Variants in NTN1 observed in about 807,000 individuals in gnomAD.
The protein encoded by NTN1 is netrin 1, also known as netrin-1.
A neutral mutation model predicts 54.2 loss-of-function variants in NTN1; 11 were observed. The ratio of observed to expected loss-of-function variants is 0.20; its 90% CI spans 0.13 to 0.34. The LOEUF (loss-of-function observed/expected upper bound fraction) is 0.34, where lower values mean the gene tolerates loss of function less well. Among genes scored for constraint, NTN1 ranks in the 10% least tolerant of loss-of-function variants. The pLI is 1.00. For missense variants in NTN1, 740 were observed against 893.1 expected (o/e 0.83, Z 2.18); for synonymous variants, 371 against 382.0 (o/e 0.97, Z 0.33).
rs768548729 is a variant in NTN1 at position 9,135,700 on chromosome 17, T to C, written c.1019-27113T>C. 3.9e-5 allele frequency among the ~76,000 whole-genome samples: 6 copies of C among 152,172 alleles called. No individual in the cohort carries two copies. Among genetic ancestry groups the C allele is most frequent in the Non-Finnish European group, 8.8e-5 (6 of 68,032 alleles). ...TCTAAGCTGTTGTCTCATCTCCAGG[T>C]TGAGGTTCTAGGGCTCCCTGGAGTA... On this transcript the variant is annotated intron_variant, in intron 2 of 6. Coordinates refer to ENST00000173229, the MANE Select transcript of NTN1 (RefSeq NM_004822.3). This position sits in a 1 kb window ranked among gnomAD's most constrained non-coding sequence, Gnocchi z 4.4.
intron 2 of NTN1, among the ~76,000 whole-genome samples, chr17:9,092,719 A>T (rs938029523): frequency 6.6e-6 from 1 of 151,228 alleles, no homozygotes; most frequent in African/African-American, 2.4e-5. Flanking sequence ...TCAGCCACCC[A>T]TAGCTGGGAT....
intron 6 of NTN1, among the ~76,000 whole-genome samples, chr17:9,224,296 G>A (rs754100108): frequency 6.6e-6 from 1 of 152,090 alleles, no homozygotes; most frequent in Non-Finnish European, 1.5e-5. Context: ...CCCTCCTTTC[G>A]TAGACTCGAA....
At chr17:9,064,521 T>C (rs2092008737) in intron 2 of NTN1, among the ~76,000 whole-genome samples, 1 of 152,202 alleles carries the variant, frequency 6.6e-6, no homozygotes, top group South Asian at 2.1e-4. Flanking sequence ...TCCCTCTTTT[T>C]CTTTCACTCC....
chr17:9,191,854 CT>C (rs1363066015), intron 5 of NTN1, among the ~76,000 whole-genome samples: 1 of 114,266 alleles, frequency 8.8e-6, no homozygotes, highest in Non-Finnish European at 1.7e-5. Flanking sequence ...ATAATGAGAC[CT>C]TATCGCTACT....
chr17:9,172,514 A>G (rs2092389887), intron 3 of NTN1, among the ~76,000 whole-genome samples: 1 of 152,078 alleles, frequency 6.6e-6, no homozygotes, highest in Non-Finnish European at 1.5e-5. Context: ...GACAAGCCAC[A>G]GATGAAGAGA....
upstream of NTN1, among the ~76,000 whole-genome samples, chr17:9,020,074 G>A (rs2091840768): frequency 6.6e-6 from 1 of 152,214 alleles, no homozygotes; most frequent in Non-Finnish European, 1.5e-5. Flanking sequence ...CGTCTCTCTG[G>A]GAGGCTGGGG....
intron 5 of NTN1, among the ~76,000 whole-genome samples, chr17:9,200,105 G>A (rs1290190203): frequency 6.6e-6 from 1 of 152,252 alleles, no homozygotes. Context: ...AGGACTACAA[G>A]CATCCTTCTT....
intron 2 of NTN1, among the ~76,000 whole-genome samples, chr17:9,036,961 G>C (rs1341747146): frequency 6.6e-6 from 1 of 152,154 alleles, no homozygotes; most frequent in Non-Finnish European, 1.5e-5. Context: ...ACTTGCAGGG[G>C]TGGGGACATG....
chr17:9,150,659 A>G (rs1159709009), intron 2 of NTN1, among the ~76,000 whole-genome samples: 1 of 152,154 alleles, frequency 6.6e-6, no homozygotes, highest in Non-Finnish European at 1.5e-5. Flanking sequence ...TGCAGCAGGA[A>G]CCCTGAGTGA....
At chr17:9,081,314 C>T (rs1264849623) in intron 2 of NTN1, among the ~76,000 whole-genome samples, 2 of 152,146 alleles carry the variant, frequency 1.3e-5, no homozygotes, top group East Asian at 1.9e-4. Context: ...TGTACAGACT[C>T]ATCTTAATGA....
At chr17:9,170,551 C>T (rs947569964) in intron 3 of NTN1, among the ~76,000 whole-genome samples, 16 of 152,126 alleles carry the variant, frequency 1.1e-4, no homozygotes, top group African/African-American at 2.7e-4. Context: ...CTGTTGCACA[C>T]TCTCAATAAA....
chr17:9,132,878 A>G (rs543399785), intron 2 of NTN1, among the ~76,000 whole-genome samples: 1 of 152,036 alleles, frequency 6.6e-6, no homozygotes, highest in African/African-American at 2.4e-5. Flanking sequence ...CTGTTTCAAA[A>G]AAGAAAAAGA....
intron 2 of NTN1, among the ~76,000 whole-genome samples, chr17:9,036,821 C>T (rs1324309104): frequency 3.3e-5 from 5 of 152,188 alleles, no homozygotes; most frequent in African/African-American, 1.2e-4. Flanking sequence ...TTGAATGATA[C>T]ATTTTCCAAC....
rs187248853 is a variant in NTN1 at position 9,092,798 on chromosome 17, G to A, written c.1018+69407G>A. Reference sequence around the variant, plus strand: ...TTTTGAGACAGAGTCTCGCTCTGTCGCCCAGGCTGGAGTGCAATGGTGCAA... The same window carrying A: ...TTTTGAGACAGAGTCTCGCTCTGTCACCCAGGCTGGAGTGCAATGGTGCAA... On this transcript the variant is annotated intron_variant, in intron 2 of 6. Transcript: ENST00000173229. Among the ~76,000 whole-genome samples the A allele has an allele frequency of 6.6e-3, 995 of 151,410 alleles. 9 individuals are homozygous for A. Among genetic ancestry groups the A allele is most frequent in the African/African-American group, 0.023 (955 of 41,256 alleles).
At chr17:9,223,588 C>T (rs1905437651) in intron 6 of NTN1, among the ~76,000 whole-genome samples, 1 of 152,074 alleles carries the variant, frequency 6.6e-6, no homozygotes, top group African/African-American at 2.4e-5. Context: ...TCATATGGCC[C>T]CGGAGCTGCA....
At chr17:9,151,475 C>T (rs1279665363) in intron 2 of NTN1, among the ~76,000 whole-genome samples, 1 of 152,188 alleles carries the variant, frequency 6.6e-6, no homozygotes, top group Non-Finnish European at 1.5e-5. Flanking sequence ...GGTTCCAAAA[C>T]ACTTCCCACT....
chr17:9,107,741 G>A (rs1163057854), intron 2 of NTN1, among the ~76,000 whole-genome samples: 1 of 152,218 alleles, frequency 6.6e-6, no homozygotes, highest in Non-Finnish European at 1.5e-5. Context: ...ACACCCATTT[G>A]TTTAAGTACT....
At chr17:9,097,597 C>T (rs970720442) in intron 2 of NTN1, among the ~76,000 whole-genome samples, 1 of 151,960 alleles carries the variant, frequency 6.6e-6, no homozygotes, top group South Asian at 2.1e-4. Flanking sequence ...TGTACTCTAG[C>T]CTGGGCAACA....
intron 3 of NTN1, among the ~76,000 whole-genome samples, chr17:9,170,276 G>GAAC (rs530261057): frequency 6.6e-6 from 1 of 152,150 alleles, no homozygotes; most frequent in South Asian, 2.1e-4. Context: ...AGGATGTCCG[G>GAAC]GCATGTAGCA....
Sources: allele counts gnomAD v4.1 joint callset (sites outside exome capture counted in the v4.1 genomes callset), GRCh38; gene constraint gnomAD v4.1.1; non-coding constraint Gnocchi (gnomAD v3.1); transcripts MANE v1.5; gene names NCBI Gene and HGNC (gene_info 2026-07-23, HGNC 2026-07-21).